The following MLLT3 variants were observed in gnomAD, a reference collection of about 807,000 sequenced individuals.
The protein encoded by MLLT3 is protein AF-9.
A neutral mutation model predicts 53.2 loss-of-function variants in MLLT3; 4 were observed. That is an observed-to-expected ratio of 0.08 (90% CI 0.04 to 0.17). MLLT3 has a LOEUF of 0.17. Ranked by LOEUF, MLLT3 falls within the 10% of genes least tolerant of loss-of-function variation. MLLT3 has a pLI of 1.00. For synonymous variants in MLLT3, 283 were observed against 230.6 expected (o/e 1.23, Z -2.06); for missense variants, 569 against 684.0 (o/e 0.83, Z 1.87).
intron 2 of MLLT3, among the ~76,000 whole-genome samples, chr9:20,565,479 C>G (rs528232689): frequency 6.6e-6 from 1 of 151,978 alleles, no homozygotes; most frequent in Non-Finnish European, 1.5e-5. Context: ...CTTTATAGAA[C>G]CACTGCTATA....
intron 2 of MLLT3, among the ~76,000 whole-genome samples, chr9:20,463,775 G>C (rs1483283847): frequency 3.3e-5 from 5 of 152,006 alleles, no homozygotes; most frequent in African/African-American, 1.2e-4. Context: ...CTTGAGACTT[G>C]TATTCCAAGA....
At chr9:20,514,478 A>G (rs1471368355) in intron 2 of MLLT3, among the ~76,000 whole-genome samples, 1 of 152,108 alleles carries the variant, frequency 6.6e-6, no homozygotes, top group African/African-American at 2.4e-5. Context: ...ACAAAATGAT[A>G]TGTAGCTGTA....
chr9:20,424,134 T>A (rs1009855371), intron 4 of MLLT3, among the ~76,000 whole-genome samples: 53 of 152,158 alleles, frequency 3.5e-4, no homozygotes, highest in African/African-American at 1.1e-3. Context: ...ATTCATAGAT[T>A]TTGGCAACTG....
chr9:20,477,730 G>T (rs1332678862), intron 2 of MLLT3, among the ~76,000 whole-genome samples: 1 of 152,038 alleles, frequency 6.6e-6, no homozygotes, highest in Non-Finnish European at 1.5e-5. Flanking sequence ...TATACTCCAG[G>T]GAGATACAGA....
intron 5 of MLLT3, among the ~76,000 whole-genome samples, chr9:20,375,386 A>G (rs1821734167): frequency 1.3e-5 from 2 of 152,206 alleles, no homozygotes; most frequent in Non-Finnish European, 2.9e-5. Flanking sequence ...TAAATTAGGG[A>G]CAGGGAAGAA....
chr9:20,442,693 TTTAATA>T (rs1823585283), intron 4 of MLLT3, among the ~76,000 whole-genome samples: 1 of 152,158 alleles, frequency 6.6e-6, no homozygotes, highest in African/African-American at 2.4e-5. Flanking sequence ...CTTTTGGCCC[TTTAATA>T]AGCAAAACCC....
chr9:20,528,964 T>C (rs1818265252), intron 2 of MLLT3, among the ~76,000 whole-genome samples: 1 of 152,158 alleles, frequency 6.6e-6, no homozygotes, highest in Non-Finnish European at 1.5e-5. Context: ...GTGTACTGTA[T>C]GAAAGTTCAG....
intron 2 of MLLT3, among the ~76,000 whole-genome samples, chr9:20,555,242 G>A (rs971127257): frequency 3.9e-5 from 6 of 152,188 alleles, no homozygotes; most frequent in South Asian, 4.2e-4. Flanking sequence ...TTTTCATGCC[G>A]GAAATAGCAT....
chr9:20,461,147 T>C lies in MLLT3; in HGVS notation c.194-4361A>G, dbSNP rs184713741. Among the ~76,000 whole-genome samples the C allele has an allele frequency of 2.3e-3, 347 of 152,340 alleles. 4 individuals carry two copies. The highest frequency in any genetic ancestry group is 8.1e-3 in the African/African-American group (335 of 41,584). ...TGTAAGGTCTATTAGGATACTATAA[T>C]GAAAATTCATGCCTGAGAGAAACAG... On this transcript the variant is annotated intron_variant, in intron 2 of 10. Coordinates refer to ENST00000380338, the MANE Select transcript of MLLT3 (RefSeq NM_004529.4).
At chr9:20,583,570 C>G (rs10122603) in intron 2 of MLLT3, among the ~76,000 whole-genome samples, 46,527 of 152,104 alleles carry the variant, frequency 0.31, 7,574 homozygotes, top group South Asian at 0.42. Flanking sequence ...CATACATCTT[C>G]TGCAATCTAG....
At chr9:20,480,955 T>C (rs1054843753) in intron 2 of MLLT3, among the ~76,000 whole-genome samples, 2 of 152,170 alleles carry the variant, frequency 1.3e-5, no homozygotes, top group Non-Finnish European at 2.9e-5. Context: ...TAAATTGTCA[T>C]GAGAACTATA....
At chr9:20,355,317 CA>C (rs992963286) in intron 8 of MLLT3, among the ~76,000 whole-genome samples, 6 of 152,132 alleles carry the variant, frequency 3.9e-5, no homozygotes, top group African/African-American at 1.4e-4. Flanking sequence ...AACAAATACT[CA>C]AATGCCCTTT....
chr9:20,577,165 C>T (rs1269805418), intron 2 of MLLT3, among the ~76,000 whole-genome samples: 2 of 152,014 alleles, frequency 1.3e-5, no homozygotes, highest in Non-Finnish European at 2.9e-5. Flanking sequence ...TGATTTATCA[C>T]CACACAAATT....
At chr9:20,549,329 A>C (rs932873388) in intron 2 of MLLT3, among the ~76,000 whole-genome samples, 7 of 152,184 alleles carry the variant, frequency 4.6e-5, no homozygotes, top group Non-Finnish European at 1.0e-4. Context: ...CTCTACAAAG[A>C]AACACCAACA....
chr9:20,504,606 G>A (rs1345027780), intron 2 of MLLT3, among the ~76,000 whole-genome samples: 2 of 152,038 alleles, frequency 1.3e-5, no homozygotes, highest in East Asian at 1.9e-4. Context: ...GAGTTGGGGA[G>A]ATGTTGTTCA....
intron 10 of MLLT3, among the ~76,000 whole-genome samples, chr9:20,350,154 C>G (rs2118593875): frequency 6.6e-6 from 1 of 152,320 alleles, no homozygotes; most frequent in Non-Finnish European, 1.5e-5. Context: ...CCCATGAGTG[C>G]CTGAAGAACT....
chr9:20,377,701 C>A (rs986293459), intron 5 of MLLT3, among the ~76,000 whole-genome samples: 1 of 152,060 alleles, frequency 6.6e-6, no homozygotes, highest in African/African-American at 2.4e-5. Context: ...GACTATCTTA[C>A]AGAATTTTCC....
intron 2 of MLLT3, among the ~76,000 whole-genome samples, chr9:20,553,705 C>T (rs1485094859): frequency 6.6e-6 from 1 of 152,078 alleles, no homozygotes; most frequent in Non-Finnish European, 1.5e-5. Flanking sequence ...AATTACTTGA[C>T]CTTTTAGACA....
chr9:20,557,882 C>A (rs1319707206), intron 2 of MLLT3, among the ~76,000 whole-genome samples: 1 of 152,174 alleles, frequency 6.6e-6, no homozygotes, highest in African/African-American at 2.4e-5. Context: ...CCCAGGGCTT[C>A]ATTCATTCCT....
Sources: allele counts gnomAD v4.1 joint callset (sites outside exome capture counted in the v4.1 genomes callset), GRCh38; gene constraint gnomAD v4.1.1; transcripts MANE v1.5; gene names NCBI Gene and HGNC (gene_info 2026-07-23, HGNC 2026-07-21).